LRRC20: variants seen among roughly 807,000 people sequenced by gnomAD.
The protein encoded by LRRC20 is leucine rich repeat containing 20, also known as leucine-rich repeat-containing protein 20.
In LRRC20, 11 loss-of-function variants were observed where a neutral mutation model predicts 14.4. That is an observed-to-expected ratio of 0.77 (90% CI 0.48 to 1.27). The LOEUF is 1.27. Ranked by LOEUF, LRRC20 falls within the 50% of genes most tolerant of loss-of-function variation. The pLI is 0.00. For synonymous variants in LRRC20, 121 were observed against 107.3 expected, an observed-to-expected ratio of 1.13 and a Z score of -0.79; for missense variants, 219 against 251.2, an observed-to-expected ratio of 0.87 and a Z score of 0.87.
chr10:70,370,749 A>C (rs1268094161), intron 2 of LRRC20, among the ~76,000 whole-genome samples: 2 of 151,874 alleles, frequency 1.3e-5, no homozygotes, highest in Non-Finnish European at 2.9e-5. Flanking sequence ...TTTCAAAAAA[A>C]AGAAAAAGCA....
At chr10:70,310,002 A>C (rs1276904925) in intron 4 of LRRC20, among the ~76,000 whole-genome samples, 1 of 152,196 alleles carries the variant, frequency 6.6e-6, no homozygotes, top group Admixed American at 6.5e-5. Flanking sequence ...GAACCACCCT[A>C]CTGAAGGCCA....
At chr10:70,304,037 T>C (rs896077409) in intron 4 of LRRC20, among the ~76,000 whole-genome samples, 3 of 152,120 alleles carry the variant, frequency 2.0e-5, no homozygotes, top group Admixed American at 6.5e-5. Flanking sequence ...GTTTTTTTTT[T>C]AAAGGACCAG....
intron 2 of LRRC20, among the ~76,000 whole-genome samples, chr10:70,374,006 C>T (rs139107627): frequency 2.6e-5 from 4 of 152,316 alleles, no homozygotes; most frequent in East Asian, 1.9e-4. Context: ...GTCCACTGGC[C>T]CACTTGACCT....
intron 2 of LRRC20, among the ~76,000 whole-genome samples, chr10:70,367,102 A>ATC (rs1844030214): frequency 6.6e-6 from 1 of 152,052 alleles, no homozygotes; most frequent in African/African-American, 2.4e-5. Context: ...AGGCAGGAGG[A>ATC]ATGCTTGAGC....
intron 4 of LRRC20, among the ~76,000 whole-genome samples, chr10:70,322,319 T>G (rs1842118542): frequency 6.6e-6 from 1 of 152,162 alleles, no homozygotes; most frequent in South Asian, 2.1e-4. Context: ...CTGTTCTTGC[T>G]CAGTTACTGC....
At chr10:70,324,638 C>A (rs1246197826) in intron 3 of LRRC20, among the ~76,000 whole-genome samples, 1 of 152,210 alleles carries the variant, frequency 6.6e-6, no homozygotes, top group Non-Finnish European at 1.5e-5. Context: ...AGTCCCTCTG[C>A]TGGGAACCCG....
intron 3 of LRRC20, 108 bp downstream of exon 3, chr10:70,340,445 G>T: frequency 7.7e-7 from 1 of 1,303,630 alleles, no homozygotes; most frequent in Non-Finnish European, 1.1e-6. Context: ...ATGATTTCAT[G>T]GGTGTCGCTG....
intron 4 of LRRC20, among the ~76,000 whole-genome samples, chr10:70,313,365 T>A (rs1239680793): frequency 6.6e-6 from 1 of 152,100 alleles, no homozygotes; most frequent in African/African-American, 2.4e-5. Context: ...TCCCCTCTCA[T>A]GTGCCTGTGT....
chr10:70,355,073 A>C (rs1175932201), intron 2 of LRRC20, among the ~76,000 whole-genome samples: 2 of 152,212 alleles, frequency 1.3e-5, no homozygotes, highest in African/African-American at 4.8e-5. Flanking sequence ...GCCCTCTGTC[A>C]AACAGGAGCC....
At chr10:70,344,477 CAATATAA>C (rs1403048791) in intron 2 of LRRC20, among the ~76,000 whole-genome samples, 2 of 151,974 alleles carry the variant, frequency 1.3e-5, no homozygotes, top group Admixed American at 1.3e-4. Context: ...TTCCTAACAA[CAATATAA>C]AATATAGAGA....
intron 1 of LRRC20, among the ~76,000 whole-genome samples, chr10:70,380,628 T>A (rs1026844244): frequency 6.6e-6 from 1 of 152,172 alleles, no homozygotes; most frequent in African/African-American, 2.4e-5. Flanking sequence ...AGGGTAGGCC[T>A]TAGAAAATGT....
intron 2 of LRRC20, among the ~76,000 whole-genome samples, chr10:70,357,722 G>A (rs1264801576): frequency 6.6e-6 from 1 of 152,146 alleles, no homozygotes; most frequent in East Asian, 1.9e-4. Context: ...AAAATCAAAA[G>A]TAAATCCCAC....
At chr10:70,348,998 G>A (rs1843181667) in intron 2 of LRRC20, among the ~76,000 whole-genome samples, 1 of 152,140 alleles carries the variant, frequency 6.6e-6, no homozygotes, top group Non-Finnish European at 1.5e-5. Flanking sequence ...GATGTGACTG[G>A]GGGCCAGGTC....
intron 3 of LRRC20, among the ~76,000 whole-genome samples, chr10:70,326,342 C>G (rs1270533662): frequency 8.0e-6 from 1 of 125,104 alleles, no homozygotes; most frequent in African/African-American, 3.0e-5. Flanking sequence ...ACGCACGCGC[C>G]TGGGTACCAG....
At position 70,357,662 on chromosome 10, in the gene LRRC20, ACC is replaced by A. The variant is rs1564638478; in HGVS notation, c.83-16962_83-16961del. On this transcript the variant is annotated intron_variant, in intron 2 of 4. Transcript: ENST00000446961. Reference sequence around the variant, plus strand: ...TGGGCTCTGGGACTTTCCAAAAAAAACCCTCCTTCCTGGCAAGCCAGTAAGGA... The same window carrying A: ...TGGGCTCTGGGACTTTCCAAAAAAAACTCCTTCCTGGCAAGCCAGTAAGGA... Among the ~76,000 whole-genome samples, 227 of 151,806 alleles carry A rather than the reference ACC, an allele frequency of 1.5e-3. 1 individual carries two copies. Among genetic ancestry groups the A allele is most frequent in the African/African-American group, 5.2e-3 (214 of 41,510 alleles).
chr10:70,301,627 T>G (rs1477236254), intron 4 of LRRC20, 119 bp from the exon 5 acceptor site: 1 of 1,239,668 alleles, frequency 8.1e-7, no homozygotes, highest in African/African-American at 1.5e-5. Flanking sequence ...CATTGCCCAC[T>G]GCACGTGGGC....
At chr10:70,315,723 C>T (rs1241638201) in intron 4 of LRRC20, among the ~76,000 whole-genome samples, 1 of 152,206 alleles carries the variant, frequency 6.6e-6, no homozygotes, top group African/African-American at 2.4e-5. Context: ...GTCCCATGAC[C>T]TCACCCTGCT....
chr10:70,376,046 AG>A (rs1844497024), intron 2 of LRRC20, among the ~76,000 whole-genome samples: 1 of 152,186 alleles, frequency 6.6e-6, no homozygotes, highest in South Asian at 2.1e-4. Flanking sequence ...GGGATGACTG[AG>A]GCTAACCACG....
chr10:70,375,774 C>T (rs1195899944), intron 2 of LRRC20, among the ~76,000 whole-genome samples: 4 of 8,486 alleles, frequency 4.7e-4, no homozygotes, highest in Non-Finnish European at 0.022. Context: ...CACGCACACA[C>T]AGGACACACA....
Sources: allele counts gnomAD v4.1 joint callset (sites outside exome capture counted in the v4.1 genomes callset), GRCh38; gene constraint gnomAD v4.1.1; transcripts MANE v1.5; gene names NCBI Gene and HGNC (gene_info 2026-07-23, HGNC 2026-07-21).